DLG2: variants seen among roughly 807,000 people sequenced by gnomAD.
DLG2 encodes disks large homolog 2.
A neutral mutation model predicts 132.5 loss-of-function variants in DLG2; 45 were observed. The ratio of observed to expected loss-of-function variants is 0.34; its 90% CI spans 0.27 to 0.44. The LOEUF (loss-of-function observed/expected upper bound fraction) is 0.44. Among genes scored for constraint, DLG2 ranks in the 20% least tolerant of loss-of-function variants. The pLI, the probability that DLG2 is intolerant of heterozygous loss-of-function variation, is 1.00. For synonymous variants in DLG2, 424 were observed against 419.6 expected, an observed-to-expected ratio of 1.01 and a Z score of -0.13; for missense variants, 1,045 against 1,196.9, an observed-to-expected ratio of 0.87 and a Z score of 1.87.
At chr11:83,838,235 T>C (rs189734676) in intron 16 of DLG2, among the ~76,000 whole-genome samples, 4 of 152,320 alleles carry the variant, frequency 2.6e-5, no homozygotes, top group Non-Finnish European at 2.9e-5. Flanking sequence ...TGGGTAGGTA[T>C]GTGATAGAGA....
chr11:85,400,927 T>A (rs1288671131), intron 3 of DLG2, among the ~76,000 whole-genome samples: 16 of 146,356 alleles, frequency 1.1e-4, no homozygotes, highest in Admixed American at 9.6e-4. Context: ...AAACTTAAAG[T>A]ATAATAATAA....
rs770560925 is a variant in DLG2 at position 85,059,152 on chromosome 11, AATAAG to A, written c.357+52504_357+52508del. 5.3e-5 allele frequency among the ~76,000 whole-genome samples: 8 copies of A among 151,392 alleles called. 1 individual carries two copies. In the East Asian group the frequency reaches 9.7e-4, roughly 18 times the overall value. ...AGAATACATATAAATCAGTAAAATA[AATAAG>A]ATAAAAGAAAACCCAGACCGATAAA... On this transcript the variant is annotated intron_variant, in intron 6 of 27. Coordinates refer to ENST00000376104, the MANE Select transcript of DLG2 (RefSeq NM_001142699.3).
intron 3 of DLG2, among the ~76,000 whole-genome samples, chr11:85,346,435 G>A (rs1024907711): frequency 3.9e-5 from 6 of 152,076 alleles, no homozygotes; most frequent in East Asian, 1.9e-4. Context: ...TGATCTGCCC[G>A]CCTCGGCCTC....
chr11:84,238,521 A>G (rs1466795553), intron 8 of DLG2, among the ~76,000 whole-genome samples: 1 of 151,994 alleles, frequency 6.6e-6, no homozygotes, highest in Non-Finnish European at 1.5e-5. Context: ...CCCTGTCTCA[A>G]AAAAGAAAAA....
intron 7 of DLG2, among the ~76,000 whole-genome samples, chr11:84,331,902 C>T (rs1047193814): frequency 6.6e-6 from 1 of 152,036 alleles, no homozygotes; most frequent in Non-Finnish European, 1.5e-5. Flanking sequence ...GTGTTGGGTC[C>T]GAGACATCCA....
chr11:84,243,017 C>CTCTCTATATATATATATA (rs542476924), intron 8 of DLG2, among the ~76,000 whole-genome samples: 1 of 142,146 alleles, frequency 7.0e-6, no homozygotes, highest in Admixed American at 7.0e-5. Flanking sequence ...CTCTCTCTCT[C>CTCTCTATATATATATATA]TATATATATA....
intron 3 of DLG2, among the ~76,000 whole-genome samples, chr11:85,482,661 G>C (rs559533060): frequency 5.3e-4 from 80 of 152,280 alleles, no homozygotes; most frequent in South Asian, 3.3e-3. Context: ...CAGCCTAATG[G>C]TCCCAGGTAT....
intron 18 of DLG2, among the ~76,000 whole-genome samples, chr11:83,785,634 G>A (rs1216030208): frequency 2.6e-5 from 4 of 152,188 alleles, no homozygotes; most frequent in South Asian, 2.1e-4. Context: ...AAACATGCAT[G>A]GAAGAAAATA....
chr11:84,756,862 G>T (rs767273096), intron 6 of DLG2, among the ~76,000 whole-genome samples: 2 of 152,070 alleles, frequency 1.3e-5, no homozygotes, highest in Admixed American at 6.6e-5. Flanking sequence ...GAAGCCAAAA[G>T]ATTGAACACC....
At chr11:84,566,044 C>T (rs1472411656) in intron 6 of DLG2, among the ~76,000 whole-genome samples, 3 of 150,964 alleles carry the variant, frequency 2.0e-5, no homozygotes, top group Non-Finnish European at 2.9e-5. Flanking sequence ...CTGCAACCTC[C>T]GCCTCCTGGG....
chr11:83,623,239 G>A (rs1307030006), intron 19 of DLG2, among the ~76,000 whole-genome samples: 1 of 151,950 alleles, frequency 6.6e-6, no homozygotes, highest in Non-Finnish European at 1.5e-5. Context: ...AGTGACTCTG[G>A]TTAAATAATT....
chr11:84,144,392 T>C (rs1418841651), intron 9 of DLG2, among the ~76,000 whole-genome samples: 1 of 152,148 alleles, frequency 6.6e-6, no homozygotes, highest in East Asian at 1.9e-4. Flanking sequence ...CCTTACTTCG[T>C]GCTCATAGAG....
At chr11:85,187,196 G>T (rs551254342) in intron 4 of DLG2, among the ~76,000 whole-genome samples, 3 of 151,870 alleles carry the variant, frequency 2.0e-5, no homozygotes, top group Non-Finnish European at 4.4e-5. Flanking sequence ...GAATAAAACC[G>T]GCAATTGCTA....
chr11:84,984,090 G>A (rs961882109), intron 6 of DLG2, among the ~76,000 whole-genome samples: 4 of 152,150 alleles, frequency 2.6e-5, no homozygotes, highest in Non-Finnish European at 5.9e-5. Context: ...ATATTTGGGG[G>A]AATAATTAAG....
intron 6 of DLG2, among the ~76,000 whole-genome samples, chr11:84,759,059 G>A (rs1257998952): frequency 6.6e-6 from 1 of 152,040 alleles, no homozygotes; most frequent in African/African-American, 2.4e-5. Context: ...TGTATTTTTA[G>A]TAGAGATGGG....
At chr11:83,529,817 T>C (rs1175557048) in intron 21 of DLG2, among the ~76,000 whole-genome samples, 3 of 152,136 alleles carry the variant, frequency 2.0e-5, no homozygotes, top group Admixed American at 2.0e-4. Flanking sequence ...CCTTCCCAGA[T>C]GATTACTCCT....
intron 18 of DLG2, among the ~76,000 whole-genome samples, chr11:83,726,956 A>G (rs535831904): frequency 6.6e-6 from 1 of 152,078 alleles, no homozygotes; most frequent in East Asian, 1.9e-4. Context: ...CTTCCCAATC[A>G]CCACCACGGA....
intron 10 of DLG2, among the ~76,000 whole-genome samples, chr11:84,092,915 A>G (rs1204006924): frequency 6.6e-6 from 1 of 151,998 alleles, no homozygotes; most frequent in African/African-American, 2.4e-5. Context: ...GGGCACCTGC[A>G]GTCCCAGCTA....
intron 8 of DLG2, among the ~76,000 whole-genome samples, chr11:84,179,705 C>G (rs1331312926): frequency 6.6e-6 from 1 of 152,114 alleles, no homozygotes; most frequent in African/African-American, 2.4e-5. Flanking sequence ...AAGGGCTTCT[C>G]TCAGGAGAAA....
Sources: allele counts gnomAD v4.1 joint callset (sites outside exome capture counted in the v4.1 genomes callset), GRCh38; gene constraint gnomAD v4.1.1; transcripts MANE v1.5; gene names NCBI Gene and HGNC (gene_info 2026-07-23, HGNC 2026-07-21).